Variants in KCND2 observed in about 807,000 individuals in gnomAD.
The protein encoded by KCND2 is potassium voltage-gated channel subfamily D member 2.
A neutral mutation model predicts 54.4 loss-of-function variants in KCND2; 16 were observed. That is an observed-to-expected ratio of 0.29 (90% CI 0.20 to 0.45). The LOEUF (loss-of-function observed/expected upper bound fraction) is 0.45, where lower values mean the gene tolerates loss of function less well. KCND2 is among the 20% of genes least tolerant of loss of function. The pLI, the probability that KCND2 is intolerant of heterozygous loss-of-function variation, is 1.00. For missense variants in KCND2, 486 were observed against 824.2 expected (o/e 0.59, Z 5.02); for synonymous variants, 317 against 310.7 (o/e 1.02, Z -0.21).
At chr7:120,400,338 A>G (rs1245740810) in intron 1 of KCND2, among the ~76,000 whole-genome samples, 1 of 152,190 alleles carries the variant, frequency 6.6e-6, no homozygotes, top group Non-Finnish European at 1.5e-5. Flanking sequence ...TTTTCACTAT[A>G]AACTAAACAG....
At chr7:120,458,868 A>G (rs1422035047) in intron 1 of KCND2, among the ~76,000 whole-genome samples, 2 of 150,438 alleles carry the variant, frequency 1.3e-5, no homozygotes, top group Non-Finnish European at 3.0e-5. Flanking sequence ...TATTAGCATT[A>G]TTATTATTAT....
chr7:120,536,434 A>C (rs1791908156), intron 1 of KCND2, among the ~76,000 whole-genome samples: 1 of 151,906 alleles, frequency 6.6e-6, no homozygotes, highest in Admixed American at 6.6e-5. Flanking sequence ...ACTGATTGAC[A>C]CTTCTTTTCA....
At chr7:120,402,529 C>T (rs1801279181) in intron 1 of KCND2, among the ~76,000 whole-genome samples, 1 of 152,088 alleles carries the variant, frequency 6.6e-6, no homozygotes, top group Non-Finnish European at 1.5e-5. Flanking sequence ...GTCAGTTACA[C>T]TATGTGGATT....
At chr7:120,655,573 A>G (rs1791791991) in intron 1 of KCND2, among the ~76,000 whole-genome samples, 1 of 152,080 alleles carries the variant, frequency 6.6e-6, no homozygotes, top group African/African-American at 2.4e-5. Context: ...TAGCAAAAAC[A>G]TATTTCTTAA....
intron 1 of KCND2, among the ~76,000 whole-genome samples, chr7:120,637,057 T>C (rs150942096): frequency 8.7e-4 from 132 of 152,214 alleles, no homozygotes; most frequent in African/African-American, 3.1e-3. Context: ...CAGGCATACA[T>C]TGTGTACCTG....
rs552480720 is a variant in KCND2, at chr7:120,376,599, C to G, written c.1115+100852C>G. Among the ~76,000 whole-genome samples, 10 of 151,240 alleles carry G rather than the reference C, an allele frequency of 6.6e-5. 1 individual carries two copies. The South Asian group carries it at 2.1e-3, about 31-fold the overall frequency. On this transcript the variant is annotated intron_variant, in intron 1 of 5. Coordinates refer to ENST00000331113, the MANE Select transcript of KCND2 (RefSeq NM_012281.3). Reference sequence around the variant, plus strand: ...TAAAATATAAAAATACATTTGCATTCTATTAGTATCTCTAGTCCTAAACTT... The same window carrying G: ...TAAAATATAAAAATACATTTGCATTGTATTAGTATCTCTAGTCCTAAACTT...
At chr7:120,514,113 ATC>A (rs1290857879) in intron 1 of KCND2, among the ~76,000 whole-genome samples, 8 of 152,082 alleles carry the variant, frequency 5.3e-5, no homozygotes, top group Non-Finnish European at 2.9e-5. Flanking sequence ...TTTATTTTTT[ATC>A]TATCACCTAC....
chr7:120,493,065 T>C (rs12535002), intron 1 of KCND2, among the ~76,000 whole-genome samples: 6,126 of 152,070 alleles, frequency 0.04, 194 homozygotes, highest in Non-Finnish European at 0.063. Context: ...CTGAATACCA[T>C]CACCTTGGGT....
At chr7:120,370,973 C>A (rs1800756520) in intron 1 of KCND2, among the ~76,000 whole-genome samples, 1 of 152,060 alleles carries the variant, frequency 6.6e-6, no homozygotes, top group Non-Finnish European at 1.5e-5. Flanking sequence ...GTGGGAACAA[C>A]CAGTCTGTCA....
intron 1 of KCND2, among the ~76,000 whole-genome samples, chr7:120,368,207 T>C (rs73431981): frequency 0.011 from 1,671 of 152,194 alleles, 36 homozygotes; most frequent in African/African-American, 0.038. Context: ...ATAATTTTAT[T>C]TATATTACTC....
At chr7:120,494,029 TAACA>T (rs1437471248) in intron 1 of KCND2, among the ~76,000 whole-genome samples, 1 of 152,146 alleles carries the variant, frequency 6.6e-6, no homozygotes, top group East Asian at 1.9e-4. Context: ...TGTCATTTGA[TAACA>T]AACAGAATAA....
chr7:120,275,779 T>C (rs1363586545), intron 1 of KCND2, 32 bp downstream of exon 1: 1 of 1,598,612 alleles, frequency 6.3e-7, no homozygotes, highest in Non-Finnish European at 8.5e-7. Flanking sequence ...GGGATGGAGG[T>C]TGGGTATGGG....
intron 1 of KCND2, among the ~76,000 whole-genome samples, chr7:120,360,919 C>T (rs931951507): frequency 4.6e-5 from 7 of 152,018 alleles, no homozygotes; most frequent in Non-Finnish European, 1.0e-4. Context: ...TATTTATGAG[C>T]ATAATCTGTA....
At chr7:120,686,217 T>C (rs1226921317) in intron 1 of KCND2, among the ~76,000 whole-genome samples, 3 of 152,240 alleles carry the variant, frequency 2.0e-5, no homozygotes, top group African/African-American at 4.8e-5. Context: ...GAAATGAACA[T>C]GGGAGTGCAG....
intron 1 of KCND2, among the ~76,000 whole-genome samples, chr7:120,560,801 A>T (rs1466450737): frequency 6.6e-6 from 1 of 152,158 alleles, no homozygotes; most frequent in African/African-American, 2.4e-5. Context: ...AATTGCTCAA[A>T]TTTATTGGAA....
chr7:120,670,871 G>A (rs1365828073), intron 1 of KCND2, among the ~76,000 whole-genome samples: 1 of 150,748 alleles, frequency 6.6e-6, no homozygotes, highest in African/African-American at 2.4e-5. Flanking sequence ...AGCCGAGATC[G>A]GGCCACTGCA....
At chr7:120,695,127 A>T (rs2116608281) in intron 1 of KCND2, among the ~76,000 whole-genome samples, 1 of 152,178 alleles carries the variant, frequency 6.6e-6, no homozygotes, top group East Asian at 1.9e-4. Flanking sequence ...TAAATACATG[A>T]TGTAGCATGA....
chr7:120,504,866 A>G (rs1802990785), intron 1 of KCND2, among the ~76,000 whole-genome samples: 1 of 151,574 alleles, frequency 6.6e-6, no homozygotes, highest in Non-Finnish European at 1.5e-5. Flanking sequence ...CAGATCACTC[A>G]TGAATATCGG....
chr7:120,302,160 A>G (rs1270647527), intron 1 of KCND2, among the ~76,000 whole-genome samples: 3 of 152,190 alleles, frequency 2.0e-5, no homozygotes, highest in Non-Finnish European at 4.4e-5. Context: ...AAGACTCCCT[A>G]AAAGTTCAAA....
Sources: gnomAD v4.1 joint callset for allele counts (sites outside exome capture counted in the v4.1 genomes callset) on GRCh38, gnomAD v4.1.1 for gene constraint, MANE v1.5 for transcripts, NCBI Gene and HGNC (gene_info 2026-07-23, HGNC 2026-07-21) for gene names.